BTBD9: variants seen among roughly 807,000 people sequenced by gnomAD.
The protein encoded by BTBD9 is BTB/POZ domain-containing protein 9.
BTBD9 carries 49 observed loss-of-function variants against 64.3 expected under a neutral mutation model. That is an observed-to-expected ratio of 0.76 (90% CI 0.61 to 0.97). The LOEUF is 0.97. BTBD9 is among the 50% of genes least tolerant of loss of function. The pLI is 0.00. For missense variants in BTBD9, 598 were observed against 762.1 expected (o/e 0.78, Z 2.53); for synonymous variants, 260 against 274.7 (o/e 0.95, Z 0.53).
chr6:38,570,613 T>C (rs1775718586), intron 6 of BTBD9, among the ~76,000 whole-genome samples: 1 of 152,186 alleles, frequency 6.6e-6, no homozygotes, highest in South Asian at 2.1e-4. Flanking sequence ...TTAGAGAATC[T>C]ATCTCCTATC....
At chr6:38,211,494 G>A (rs1762833841) in intron 9 of BTBD9, among the ~76,000 whole-genome samples, 1 of 150,836 alleles carries the variant, frequency 6.6e-6, no homozygotes, top group South Asian at 2.1e-4. Context: ...TATAATCCCA[G>A]CACTGTGAGA....
intron 9 of BTBD9, among the ~76,000 whole-genome samples, chr6:38,217,310 C>T (rs1339339137): frequency 9.7e-5 from 10 of 103,152 alleles, no homozygotes; most frequent in African/African-American, 3.4e-4. Context: ...CAGAGCAAGA[C>T]TCCATCTCAA....
chr6:38,336,260 T>C (rs1187530041), intron 7 of BTBD9, among the ~76,000 whole-genome samples: 1 of 152,136 alleles, frequency 6.6e-6, no homozygotes, highest in Admixed American at 6.5e-5. Context: ...TTTGTGTGAA[T>C]CTCTCCTGAG....
intron 6 of BTBD9, among the ~76,000 whole-genome samples, chr6:38,459,692 G>T (rs886646552): frequency 5.3e-5 from 8 of 152,112 alleles, no homozygotes; most frequent in African/African-American, 1.7e-4. Flanking sequence ...TTTTGTTGCT[G>T]TTATTACAAT....
At chr6:38,588,256 G>C (rs975833238) in intron 4 of BTBD9, 17 of 1,132,722 alleles carry the variant, frequency 1.5e-5, no homozygotes, top group Non-Finnish European at 2.3e-5. Context: ...TTTTTGGTCA[G>C]CCTCAACAAC....
intron 6 of BTBD9, among the ~76,000 whole-genome samples, chr6:38,561,208 TAA>T (rs1775248607): frequency 6.6e-6 from 1 of 152,198 alleles, no homozygotes; most frequent in Non-Finnish European, 1.5e-5. Flanking sequence ...TAGCAGTGTA[TAA>T]GTGTTCCCTT....
chr6:38,576,222 G>A (rs757244561), intron 6 of BTBD9, among the ~76,000 whole-genome samples: 3 of 152,110 alleles, frequency 2.0e-5, no homozygotes, highest in Non-Finnish European at 4.4e-5. Context: ...CCTCCTCTAT[G>A]TGGGGGTCCC....
At chr6:38,355,070 A>G (rs997284500) in intron 6 of BTBD9, among the ~76,000 whole-genome samples, 6 of 152,186 alleles carry the variant, frequency 3.9e-5, no homozygotes, top group African/African-American at 1.4e-4. Context: ...CAGTTTCCAA[A>G]TAGCATGAAG....
chr6:38,420,331 T>G (rs1031888033), intron 6 of BTBD9, among the ~76,000 whole-genome samples: 1 of 152,208 alleles, frequency 6.6e-6, no homozygotes, highest in African/African-American at 2.4e-5. Flanking sequence ...ACGCTTATAC[T>G]GGGCAGGAAA....
At chr6:38,177,630 G>T (rs777357263) in intron 10 of BTBD9, among the ~76,000 whole-genome samples, 2 of 152,212 alleles carry the variant, frequency 1.3e-5, no homozygotes, top group African/African-American at 2.4e-5. Context: ...CACTGCGCTG[G>T]TAAGAGCCTG....
In BTBD9 at chr6:38,329,323, C is replaced by CT. The variant is rs201597571; in HGVS notation, c.1264+15660dup. Among the ~76,000 whole-genome samples the CT allele has an allele frequency of 9.1e-3, 1,213 of 132,666 alleles. 9 individuals carry two copies. The highest frequency in any genetic ancestry group is 0.019 in the African/African-American group (693 of 36,556). The allele number at this position is 132,666 out of a possible 152,430, so 87.0% of individuals were successfully genotyped here. The stretch of plus-strand genomic sequence containing the variant: ...GGAGTATTTTAAAGACCTTTTTTTC[C>CT]TTTTTTTTTTTTTTTTTGAGACAGA... On this transcript the variant is annotated intron_variant, in intron 7 of 10. Transcript: ENST00000481247.
At chr6:38,200,199 C>A (rs1464559138) in intron 9 of BTBD9, among the ~76,000 whole-genome samples, 1 of 152,246 alleles carries the variant, frequency 6.6e-6, no homozygotes, top group African/African-American at 2.4e-5. Flanking sequence ...GAAGGTGGCA[C>A]TGCCCTCTCC....
chr6:38,601,961 CAT>C (rs1280608260), intron 1 of BTBD9, among the ~76,000 whole-genome samples: 3 of 152,044 alleles, frequency 2.0e-5, no homozygotes, highest in Non-Finnish European at 2.9e-5. Flanking sequence ...ACACATGTAA[CAT>C]GTAGTAATAA....
intron 6 of BTBD9, among the ~76,000 whole-genome samples, chr6:38,498,766 A>G (rs930450223): frequency 1.3e-5 from 2 of 152,248 alleles, no homozygotes; most frequent in East Asian, 3.9e-4. Flanking sequence ...GGATGTGTGT[A>G]CCCTCTACTT....
chr6:38,412,203 C>T (rs1450041316), intron 6 of BTBD9, among the ~76,000 whole-genome samples: 1 of 151,822 alleles, frequency 6.6e-6, no homozygotes, highest in African/African-American at 2.4e-5. Context: ...AAAATATCTG[C>T]GACTTCTATC....
At chr6:38,224,330 C>G (rs1763316783) in intron 9 of BTBD9, among the ~76,000 whole-genome samples, 1 of 152,202 alleles carries the variant, frequency 6.6e-6, no homozygotes, top group Non-Finnish European at 1.5e-5. Context: ...ATTTTCCTGG[C>G]TCAGTTGGCA....
chr6:38,207,242 G>A, intron 9 of BTBD9: 2 of 211,794 alleles, frequency 9.4e-6, no homozygotes, highest in Non-Finnish European at 2.0e-5. Flanking sequence ...AGATCTCCAA[G>A]GTACAGAAAA....
chr6:38,276,359 G>A (rs9462422), intron 8 of BTBD9, among the ~76,000 whole-genome samples: 3 of 139,186 alleles, frequency 2.2e-5, no homozygotes, highest in Non-Finnish European at 3.1e-5. Context: ...GGGGTGGGGG[G>A]AGGGGGGAGG....
chr6:38,223,772 CTT>C (rs1229508772), intron 9 of BTBD9, among the ~76,000 whole-genome samples: 10 of 145,798 alleles, frequency 6.9e-5, no homozygotes, highest in Non-Finnish European at 4.5e-5. Context: ...TTGGATTCTC[CTT>C]TTTTTTTTTT....
Sources: allele counts gnomAD v4.1 joint callset (sites outside exome capture counted in the v4.1 genomes callset), GRCh38; gene constraint gnomAD v4.1.1; transcripts MANE v1.5; gene names NCBI Gene and HGNC (gene_info 2026-07-23, HGNC 2026-07-21).